Variants in GABBR2 observed in about 807,000 individuals in gnomAD.
GABBR2 encodes gamma-aminobutyric acid type B receptor subunit 2.
In GABBR2, 23 loss-of-function variants were observed where a neutral mutation model predicts 105.6. That is an observed-to-expected ratio of 0.22 (90% CI 0.16 to 0.31). GABBR2 has a LOEUF of 0.31. GABBR2 is among the 10% of genes least tolerant of loss of function. GABBR2 has a pLI of 1.00. For missense variants in GABBR2, 734 were observed against 1,245.5 expected, an observed-to-expected ratio of 0.59 and a Z score of 6.18; for synonymous variants, 478 against 499.7, an observed-to-expected ratio of 0.96 and a Z score of 0.58.
Position 98,388,619 on chromosome 9 carries a change from C to CTGTGTGTGTGTGTG in GABBR2, c.1529+221_1529+234dup, listed in dbSNP as rs113747643. 1.3e-3 allele frequency among the ~76,000 whole-genome samples: 186 copies of CTGTGTGTGTGTGTG among 144,568 alleles called. No homozygotes were observed. The highest frequency in any genetic ancestry group is 4.3e-3 in the African/African-American group (167 of 39,232). 94.8% of individuals were successfully genotyped at this position (144,568 alleles called of 152,430 possible). A position where few individuals can be genotyped will look rare whatever the true frequency, so the allele number is the denominator to read the frequency against. ...TCCTGTGCAACCAGCAGCCTGGCCT[C>CTGTGTGTGTGTGTG]TGTGTGTGTGTGTGTGTGTGTGTGT... is the stretch of plus-strand genomic sequence containing the variant. On this transcript the variant is annotated intron_variant, in intron 10 of 18. Transcript: ENST00000259455. The surrounding 1 kb of genome is among the most constrained non-coding windows in gnomAD (Gnocchi z 4.4).
intron 8 of GABBR2, among the ~76,000 whole-genome samples, chr9:98,399,402 C>T (rs1298746617): frequency 6.6e-6 from 1 of 151,626 alleles, no homozygotes; most frequent in East Asian, 1.9e-4. Context: ...TCTCAGATAT[C>T]CTTCCTAGAT....
In GABBR2 at chr9:98,536,613, C is replaced by T. The variant is rs1389465706; in HGVS notation, c.630+5260G>A. 3.9e-5 allele frequency among the ~76,000 whole-genome samples: 6 copies of T among 152,254 alleles called. No homozygotes were observed. The South Asian group carries it at 1.2e-3, about 32-fold the overall frequency. Reference sequence around the variant, plus strand: ...ATCACTCAGCACTCTGGCCTCTCAGCTCCTTGCCCTAAATTCCAGTGACCT... The same window carrying T: ...ATCACTCAGCACTCTGGCCTCTCAGTTCCTTGCCCTAAATTCCAGTGACCT... On this transcript the variant is annotated intron_variant, in intron 3 of 18. Transcript: ENST00000259455.
intron 1 of GABBR2, among the ~76,000 whole-genome samples, chr9:98,668,531 A>G (rs766308145): frequency 1.3e-5 from 2 of 152,190 alleles, no homozygotes; most frequent in Non-Finnish European, 2.9e-5. Context: ...CATAAAATTG[A>G]CCATTTTAGC....
intron 1 of GABBR2, among the ~76,000 whole-genome samples, chr9:98,613,988 G>A (rs999280089): frequency 6.6e-6 from 1 of 152,068 alleles, no homozygotes; most frequent in Admixed American, 6.5e-5. Flanking sequence ...GATAGAACAG[G>A]TATTAGTGGG....
At chr9:98,500,791 G>C (rs1330876799) in intron 3 of GABBR2, among the ~76,000 whole-genome samples, 1 of 152,144 alleles carries the variant, frequency 6.6e-6, no homozygotes, top group Non-Finnish European at 1.5e-5. Flanking sequence ...TGTCCCTGAA[G>C]CAGTGGTTCT....
At chr9:98,610,068 C>T (rs1045421752) in intron 1 of GABBR2, among the ~76,000 whole-genome samples, 4 of 152,198 alleles carry the variant, frequency 2.6e-5, no homozygotes, top group Admixed American at 6.5e-5. Flanking sequence ...GTCCTCCCTG[C>T]GCCCCTCTCC....
At chr9:98,394,118 T>A in intron 9 of GABBR2, 57 bp downstream of exon 9, 1 of 1,246,874 alleles carries the variant, frequency 8.0e-7, no homozygotes, top group Non-Finnish European at 1.2e-6. Context: ...TTAGACAATG[T>A]CCAGGCTTGG....
chr9:98,362,934 A>G, intron 12 of GABBR2, 97 bp from the exon 13 acceptor site: 2 of 1,065,424 alleles, frequency 1.9e-6, no homozygotes. Context: ...TGCATCATGA[A>G]CCCCCCAGCC....
At chr9:98,588,688 A>G (rs886180750) in intron 1 of GABBR2, among the ~76,000 whole-genome samples, 25 of 152,194 alleles carry the variant, frequency 1.6e-4, no homozygotes, top group African/African-American at 5.5e-4. Context: ...ATGCTCCATC[A>G]TATCCATGTT....
chr9:98,642,639 C>T (rs1829979259), intron 1 of GABBR2, among the ~76,000 whole-genome samples: 1 of 152,190 alleles, frequency 6.6e-6, no homozygotes, highest in African/African-American at 2.4e-5. Context: ...ATGAGTGAGA[C>T]ATCATATTAT....
chr9:98,553,751 G>A (rs1828533494), intron 2 of GABBR2, among the ~76,000 whole-genome samples: 1 of 152,246 alleles, frequency 6.6e-6, no homozygotes, highest in African/African-American at 2.4e-5. Flanking sequence ...TGAAGTAGAT[G>A]TGATTCTGAT....
At chr9:98,415,979 G>C (rs1832683707) in intron 7 of GABBR2, among the ~76,000 whole-genome samples, 1 of 152,208 alleles carries the variant, frequency 6.6e-6, no homozygotes, top group Admixed American at 6.5e-5. Context: ...TGTAGTAGGA[G>C]TAGGCAGAGG....
intron 1 of GABBR2, among the ~76,000 whole-genome samples, chr9:98,666,268 G>A (rs1045970965): frequency 2.0e-5 from 3 of 152,136 alleles, no homozygotes; most frequent in Admixed American, 6.5e-5. Context: ...CTAAATGAAC[G>A]ATCATTACAT....
chr9:98,688,000 G>C lies in GABBR2; in HGVS notation c.321+20417C>G, dbSNP rs1296455446. On this transcript the variant is annotated intron_variant, in intron 1 of 18. Coordinates refer to ENST00000259455, the MANE Select transcript of GABBR2 (RefSeq NM_005458.8). The stretch of plus-strand genomic sequence containing the variant: ...GGACACCCCTTCTCAGCAGACCTGG[G>C]GGCTCCAGCCTGCCAGGGTAGTCTG... Among the ~76,000 whole-genome samples the C allele has an allele frequency of 2.6e-5, 4 of 152,140 alleles. No individual in the cohort carries two copies. In the East Asian group the frequency reaches 7.7e-4, roughly 29 times the overall value.
At chr9:98,421,891 G>C (rs1430115300) in intron 7 of GABBR2, among the ~76,000 whole-genome samples, 1 of 152,186 alleles carries the variant, frequency 6.6e-6, no homozygotes, top group Non-Finnish European at 1.5e-5. Context: ...AGAAAATGTA[G>C]GGGAATATCT....
chr9:98,560,171 A>G (rs1828647472), intron 2 of GABBR2, among the ~76,000 whole-genome samples: 1 of 152,214 alleles, frequency 6.6e-6, no homozygotes, highest in South Asian at 2.1e-4. Context: ...AAAGTTGTGT[A>G]TAGTTTTTAA....
intron 13 of GABBR2, among the ~76,000 whole-genome samples, chr9:98,334,228 A>G (rs1055073222): frequency 6.6e-6 from 1 of 152,268 alleles, no homozygotes; most frequent in African/African-American, 2.4e-5. Flanking sequence ...CAGATGTGAA[A>G]GAGATTTAAG....
intron 1 of GABBR2, among the ~76,000 whole-genome samples, chr9:98,665,541 G>A (rs1368692121): frequency 6.6e-6 from 1 of 152,216 alleles, no homozygotes; most frequent in East Asian, 1.9e-4. Flanking sequence ...ATATGACCCA[G>A]CAGACCCTAT....
chr9:98,597,077 C>A (rs1005694243), intron 1 of GABBR2, among the ~76,000 whole-genome samples: 3 of 152,096 alleles, frequency 2.0e-5, no homozygotes, highest in Non-Finnish European at 2.9e-5. Flanking sequence ...ATTAGGTCAA[C>A]AAGGGATCCC....
Sources: allele counts gnomAD v4.1 joint callset (sites outside exome capture counted in the v4.1 genomes callset), GRCh38; gene constraint gnomAD v4.1.1; non-coding constraint Gnocchi (gnomAD v3.1); transcripts MANE v1.5; gene names NCBI Gene and HGNC (gene_info 2026-07-23, HGNC 2026-07-21).